Variants in FAM216B observed in about 807,000 individuals in gnomAD.
FAM216B encodes protein FAM216B.
In FAM216B, 11 loss-of-function variants were observed where a neutral mutation model predicts 12.9. The ratio of observed to expected loss-of-function variants is 0.86; its 90% CI spans 0.54 to 1.42. The LOEUF (loss-of-function observed/expected upper bound fraction) is 1.42. Ranked by LOEUF, FAM216B falls within the 40% of genes most tolerant of loss-of-function variation. The pLI, the probability that FAM216B is intolerant of heterozygous loss-of-function variation, is 0.00. For missense variants in FAM216B, 167 were observed against 162.9 expected (o/e 1.02, Z -0.14); for synonymous variants, 52 against 57.2 (o/e 0.91, Z 0.41).
intron 3 of FAM216B, among the ~76,000 whole-genome samples, chr13:42,787,601 G>A (rs1762345511): frequency 6.6e-6 from 1 of 152,168 alleles, no homozygotes; most frequent in African/African-American, 2.4e-5. Context: ...TTTTCTTGCA[G>A]GAAATGCTTT....
chr13:42,782,395 T>G (rs1873889198), intron 1 of FAM216B, among the ~76,000 whole-genome samples: 1 of 152,208 alleles, frequency 6.6e-6, no homozygotes, highest in African/African-American at 2.4e-5. Context: ...GTCTTAAGGA[T>G]GAGAGGGCTG....
At chr13:42,788,463 T>A in intron 3 of FAM216B, 128 bp from the exon 4 acceptor site, 1 of 646,848 alleles carries the variant, frequency 1.5e-6, no homozygotes, top group East Asian at 2.6e-5. Context: ...AAAGATCATA[T>A]AATCTGGGCA....
At chr13:42,783,224 C>T (rs1873925975) in intron 1 of FAM216B, among the ~76,000 whole-genome samples, 1 of 152,150 alleles carries the variant, frequency 6.6e-6, no homozygotes, top group African/African-American at 2.4e-5. Context: ...GGGAGGATGG[C>T]TTGAGCCCAG....
At position 42,789,417 on chromosome 13, in the gene FAM216B, A is replaced by C. The variant is rs1462492906; in HGVS notation, c.*627A>C. 2.0e-5 allele frequency: 3 copies of C among 152,176 alleles called. No individual in the cohort carries two copies. Among genetic ancestry groups the C allele is most frequent in the Middle Eastern group, 3.2e-3 (1 of 316 alleles). 9.4% of individuals were successfully genotyped at this position (152,176 alleles called of 1,614,324 possible). ...AGCTGTAACTGGCCTTGACATGGGT[A>C]AGAGAATTCATGCACACATCTTTCC... On this transcript the variant is annotated 3_prime_UTR_variant, in exon 4 of 4. Coordinates refer to ENST00000313851, the MANE Select transcript of FAM216B (RefSeq NM_001318932.2).
At chr13:42,787,566 G>A (rs1054912442) in intron 3 of FAM216B, among the ~76,000 whole-genome samples, 10 of 152,164 alleles carry the variant, frequency 6.6e-5, no homozygotes, top group African/African-American at 2.2e-4. Flanking sequence ...TCAACTTACC[G>A]AAAGGCTAAT....
rs746406141 is a variant in FAM216B, at chr13:42,788,584, C to G, written c.221-7C>G. 6.3e-7 allele frequency: 1 copy of G among 1,592,116 alleles called. No homozygotes were observed. Among genetic ancestry groups the G allele is most frequent in the East Asian group, 2.2e-5 (1 of 44,666 alleles). Reference sequence around the variant, plus strand: ...ATTTTGAAGTTTCTCTCATTTCTTTCCCCTAGGCTATATTACTCAACGGGA... The same window carrying G: ...ATTTTGAAGTTTCTCTCATTTCTTTGCCCTAGGCTATATTACTCAACGGGA... On this transcript the variant is annotated splice_polypyrimidine_tract_variant and splice_region_variant and intron_variant, in intron 3 of 3. Transcript: ENST00000313851.
At chr13:42,787,224 C>T (rs891399316) in intron 3 of FAM216B, among the ~76,000 whole-genome samples, 1 of 152,186 alleles carries the variant, frequency 6.6e-6, no homozygotes, top group Non-Finnish European at 1.5e-5. Flanking sequence ...TGTGCAAACT[C>T]AGAGGCTTGG....
chr13:42,782,252 T>A (rs889668511), intron 1 of FAM216B, among the ~76,000 whole-genome samples: 2 of 152,178 alleles, frequency 1.3e-5, no homozygotes, highest in Non-Finnish European at 2.9e-5. Flanking sequence ...AACCTATGAG[T>A]GTGCATGTGT....
intron 2 of FAM216B, among the ~76,000 whole-genome samples, chr13:42,786,152 G>T (rs935994262): frequency 6.6e-6 from 1 of 152,136 alleles, no homozygotes; most frequent in African/African-American, 2.4e-5. Context: ...AAGAAAAAAT[G>T]TTAGAATTTC....
intron 1 of FAM216B, among the ~76,000 whole-genome samples, chr13:42,781,953 T>G (rs890479864): frequency 6.6e-6 from 1 of 152,186 alleles, no homozygotes; most frequent in Admixed American, 6.5e-5. Context: ...AGGAGGGATA[T>G]TGAAATGATT....
intron 2 of FAM216B, among the ~76,000 whole-genome samples, chr13:42,785,984 G>C (rs1456676854): frequency 6.6e-6 from 1 of 152,046 alleles, no homozygotes; most frequent in African/African-American, 2.4e-5. Flanking sequence ...TGTCCCCTGG[G>C]GTCAAAATCA....
In FAM216B at chr13:42,788,791, G is replaced by C; in HGVS notation, c.*1G>C. On this transcript the variant is annotated 3_prime_UTR_variant, in exon 4 of 4. Transcript: ENST00000313851. ...AAGGCGCCAAGTGCTCAGGAACTGA[G>C]ACTTGGCAGCATTTTCAGAAACAGG... is the stretch of plus-strand genomic sequence containing the variant. The C allele has an allele frequency of 1.2e-6, 2 of 1,601,296 alleles. No individual in the cohort carries two copies. Among genetic ancestry groups the C allele is most frequent in the Non-Finnish European group, 1.7e-6 (2 of 1,174,000 alleles).
At chr13:42,782,849 A>G (rs994747527) in intron 1 of FAM216B, among the ~76,000 whole-genome samples, 1 of 152,224 alleles carries the variant, frequency 6.6e-6, no homozygotes, top group Non-Finnish European at 1.5e-5. Context: ...TTGCACATCT[A>G]AATTGCAAGA....
chr13:42,783,780 A>G (rs999507866), intron 1 of FAM216B, among the ~76,000 whole-genome samples: 1 of 152,112 alleles, frequency 6.6e-6, no homozygotes, highest in Non-Finnish European at 1.5e-5. Context: ...CACCTGTTCC[A>G]AACAGTTAGA....
chr13:42,784,725 T>G (rs1044272734), intron 2 of FAM216B, among the ~76,000 whole-genome samples: 3 of 146,544 alleles, frequency 2.0e-5, no homozygotes, highest in Non-Finnish European at 4.5e-5. Flanking sequence ...TCCTAGCTAC[T>G]CAGGAGGCTG....
intron 2 of FAM216B, among the ~76,000 whole-genome samples, 178 bp from the exon 3 acceptor site, chr13:42,786,585 G>A (rs1874096399): frequency 1.3e-5 from 2 of 151,298 alleles, no homozygotes; most frequent in South Asian, 4.2e-4. Flanking sequence ...GACTGTTTAA[G>A]CAAATGAAGA....
intron 2 of FAM216B, 67 bp downstream of exon 2, chr13:42,784,233 G>A: frequency 8.8e-7 from 1 of 1,135,648 alleles, no homozygotes; most frequent in Non-Finnish European, 1.2e-6. Context: ...TTCAAGGTTT[G>A]AGGACTTTTT....
At position 42,784,172 on chromosome 13, in the gene FAM216B, G is replaced by GGTTTT; in HGVS notation, c.99+6_99+7insGTTTT. ...ATGACACTTCCTTACTAAAGGTATG[G>GGTTTT]CTTTTTTTTTTTTTTTTTTTTCACA... is the stretch of plus-strand genomic sequence containing the variant. On this transcript the variant is annotated splice_region_variant and intron_variant, in intron 2 of 3. Transcript: ENST00000313851. 3.5e-5 allele frequency: 28 copies of GGTTTT among 808,848 alleles called. No homozygotes were observed. Among genetic ancestry groups the GGTTTT allele is most frequent in the African/African-American group, 4.5e-5 (1 of 22,312 alleles). The allele number at this position is 808,848 out of a possible 1,614,324, so 50.1% of individuals were successfully genotyped here. A position where few individuals can be genotyped will look rare whatever the true frequency, so the allele number is the denominator to read the frequency against.
rs1874200845 is a variant in FAM216B, at chr13:42,788,875, C to G, written c.*85C>G. The G allele has an allele frequency of 1.6e-6, 2 of 1,270,832 alleles. No individual in the cohort carries two copies. The highest frequency in any genetic ancestry group is 2.4e-5 in the East Asian group (1 of 41,412). The allele number at this position is 1,270,832 out of a possible 1,614,324, so 78.7% of individuals were successfully genotyped here. ...TGCTTTGTGCATATTTGTTGAATGA[C>G]AGTGAATAATTTCTAATATAAACCC... On this transcript the variant is annotated 3_prime_UTR_variant, in exon 4 of 4. Coordinates refer to ENST00000313851, the MANE Select transcript of FAM216B (RefSeq NM_001318932.2).
Sources: allele counts gnomAD v4.1 joint callset (sites outside exome capture counted in the v4.1 genomes callset), GRCh38; gene constraint gnomAD v4.1.1; transcripts MANE v1.5; gene names NCBI Gene and HGNC (gene_info 2026-07-23, HGNC 2026-07-21).